Variants in UNC5C observed in about 807,000 individuals in gnomAD.
UNC5C encodes netrin receptor UNC5C.
UNC5C carries 47 observed loss-of-function variants against 99.8 expected under a neutral mutation model. That is an observed-to-expected ratio of 0.47 (90% CI 0.37 to 0.60). The LOEUF (loss-of-function observed/expected upper bound fraction) is 0.60. UNC5C is among the 20% of genes least tolerant of loss of function. The pLI, the probability that UNC5C is intolerant of heterozygous loss-of-function variation, is 0.00. For synonymous variants in UNC5C, 487 were observed against 452.2 expected, an observed-to-expected ratio of 1.08 and a Z score of -0.98; for missense variants, 1,062 against 1,165.9, an observed-to-expected ratio of 0.91 and a Z score of 1.30.
At chr4:95,217,813 G>T (rs1434383426) in intron 9 of UNC5C, among the ~76,000 whole-genome samples, 1 of 151,982 alleles carries the variant, frequency 6.6e-6, no homozygotes, top group Non-Finnish European at 1.5e-5. Flanking sequence ...ATTCAATAAT[G>T]GACTGTTATA....
intron 1 of UNC5C, among the ~76,000 whole-genome samples, chr4:95,355,613 C>A (rs1413461569): frequency 2.0e-5 from 3 of 151,184 alleles, no homozygotes; most frequent in Non-Finnish European, 2.9e-5. Flanking sequence ...TGCGCCCCAC[C>A]CCCCCAGCAT....
chr4:95,393,863 T>TTTTTAA (rs767724274), intron 1 of UNC5C, among the ~76,000 whole-genome samples: 4 of 146,236 alleles, frequency 2.7e-5, no homozygotes, highest in African/African-American at 1.0e-4. Flanking sequence ...TTTTTTTTTT[T>TTTTTAA]AAAAAAAAAC....
intron 1 of UNC5C, among the ~76,000 whole-genome samples, chr4:95,400,811 T>C (rs756958757): frequency 1.2e-4 from 18 of 152,174 alleles, no homozygotes; most frequent in Non-Finnish European, 2.4e-4. Flanking sequence ...AACAGCTGCA[T>C]TGCAGCCTGT....
intron 1 of UNC5C, among the ~76,000 whole-genome samples, chr4:95,447,304 G>C (rs935202596): frequency 7.9e-5 from 12 of 152,084 alleles, no homozygotes; most frequent in African/African-American, 2.9e-4. Context: ...CCCATTTATT[G>C]AGCACTTTAT....
intron 1 of UNC5C, among the ~76,000 whole-genome samples, chr4:95,540,386 G>A (rs1206936428): frequency 6.6e-6 from 1 of 152,160 alleles, no homozygotes; most frequent in Non-Finnish European, 1.5e-5. Context: ...TCTGAGAGCA[G>A]TTACTCAAAT....
intron 1 of UNC5C, among the ~76,000 whole-genome samples, chr4:95,522,411 T>C (rs1256061073): frequency 6.6e-6 from 1 of 151,922 alleles, no homozygotes; most frequent in African/African-American, 2.4e-5. Context: ...AGTAAAAGCA[T>C]ACACAGGTGT....
intron 1 of UNC5C, among the ~76,000 whole-genome samples, chr4:95,531,038 T>A (rs1328142330): frequency 1.3e-5 from 2 of 152,224 alleles, no homozygotes. Flanking sequence ...TGTTAAATCA[T>A]CCCTTTTCTG....
intron 3 of UNC5C, among the ~76,000 whole-genome samples, chr4:95,283,793 A>G (rs979406991): frequency 3.3e-5 from 5 of 152,234 alleles, no homozygotes; most frequent in South Asian, 4.1e-4. Context: ...TAGTTATAAG[A>G]CTGCTACTAA....
At chr4:95,491,433 A>T (rs1721488966) in intron 1 of UNC5C, among the ~76,000 whole-genome samples, 1 of 151,640 alleles carries the variant, frequency 6.6e-6, no homozygotes, top group African/African-American at 2.4e-5. Context: ...AGACTTACAT[A>T]TGGAAAAACT....
chr4:95,425,903 T>C (rs994928851), intron 1 of UNC5C, among the ~76,000 whole-genome samples: 4 of 152,330 alleles, frequency 2.6e-5, no homozygotes, highest in Non-Finnish European at 5.9e-5. Flanking sequence ...ATTTTTATTA[T>C]AACTTCAAAG....
chr4:95,406,939 A>T (rs560369173), intron 1 of UNC5C, among the ~76,000 whole-genome samples: 3 of 152,374 alleles, frequency 2.0e-5, no homozygotes, highest in African/African-American at 7.2e-5. Context: ...CAGTGGTTAT[A>T]GATGGCAAAC....
chr4:95,533,477 T>G (rs1722704307), intron 1 of UNC5C, among the ~76,000 whole-genome samples: 1 of 151,938 alleles, frequency 6.6e-6, no homozygotes, highest in African/African-American at 2.4e-5. Flanking sequence ...TTTTTATCAT[T>G]TAATGTGATA....
At chr4:95,446,243 G>C (rs1425253485) in intron 1 of UNC5C, among the ~76,000 whole-genome samples, 1 of 152,012 alleles carries the variant, frequency 6.6e-6, no homozygotes, top group Non-Finnish European at 1.5e-5. Flanking sequence ...AAGGCAAGCT[G>C]TAAAGACAGA....
At chr4:95,377,180 T>C (rs564894829) in intron 1 of UNC5C, among the ~76,000 whole-genome samples, 72 of 152,328 alleles carry the variant, frequency 4.7e-4, no homozygotes, top group African/African-American at 1.6e-3. Flanking sequence ...GTGGGGGTTG[T>C]ATTTAATATT....
At chr4:95,284,528 G>A (rs1278375512) in intron 3 of UNC5C, among the ~76,000 whole-genome samples, 1 of 152,084 alleles carries the variant, frequency 6.6e-6, no homozygotes, top group Non-Finnish European at 1.5e-5. Context: ...TCCTCAGAAC[G>A]ACTTTCACAG....
chr4:95,258,862 C>T (rs1441266776), intron 4 of UNC5C, among the ~76,000 whole-genome samples: 3 of 146,780 alleles, frequency 2.0e-5, no homozygotes, highest in South Asian at 2.2e-4. Flanking sequence ...CCCGGGTTCA[C>T]GCCATTCTCC....
chr4:95,246,195 C>G (rs575309313), intron 5 of UNC5C, among the ~76,000 whole-genome samples: 1 of 152,238 alleles, frequency 6.6e-6, no homozygotes, highest in East Asian at 1.9e-4. Context: ...AATGGCAAAG[C>G]CAGCCACATA....
chr4:95,514,390 C>T (rs2149488337), intron 1 of UNC5C, among the ~76,000 whole-genome samples: 1 of 152,036 alleles, frequency 6.6e-6, no homozygotes, highest in Admixed American at 6.6e-5. Flanking sequence ...TATGCTTTGA[C>T]CAATTTACAA....
intron 7 of UNC5C, among the ~76,000 whole-genome samples, chr4:95,223,465 A>T (rs926111403): frequency 2.0e-5 from 3 of 152,216 alleles, no homozygotes; most frequent in Non-Finnish European, 4.4e-5. Context: ...GCACTTCCGT[A>T]GTTTGCCGAA....
Sources: gnomAD v4.1 joint callset for allele counts (sites outside exome capture counted in the v4.1 genomes callset) on GRCh38, gnomAD v4.1.1 for gene constraint, MANE v1.5 for transcripts, NCBI Gene and HGNC (gene_info 2026-07-23, HGNC 2026-07-21) for gene names.